The following CDYL2 variants were observed in gnomAD, a reference collection of about 807,000 sequenced individuals.
The protein encoded by CDYL2 is chromodomain Y like 2.
Under a neutral mutation model 49.4 loss-of-function variants are expected in CDYL2, and 23 were observed. The observed-to-expected ratio is 0.47, with a 90% CI of 0.34 to 0.66. The LOEUF (loss-of-function observed/expected upper bound fraction) is 0.66, where lower values mean the gene tolerates loss of function less well. Ranked by LOEUF, CDYL2 falls within the 30% of genes least tolerant of loss-of-function variation. The pLI is 0.01. For synonymous variants in CDYL2, 360 were observed against 268.8 expected (o/e 1.34, Z -3.32); for missense variants, 678 against 656.4 (o/e 1.03, Z -0.36).
intron 1 of CDYL2, among the ~76,000 whole-genome samples, chr16:80,713,353 A>C (rs1026909903): frequency 6.6e-6 from 1 of 152,236 alleles, no homozygotes; most frequent in African/African-American, 2.4e-5. Context: ...TCAGATTGTC[A>C]CATGCCATTT....
chr16:80,611,885 T>G (rs1420820593), intron 5 of CDYL2, among the ~76,000 whole-genome samples: 1 of 152,216 alleles, frequency 6.6e-6, no homozygotes, highest in Non-Finnish European at 1.5e-5. Context: ...CAGCTTACAG[T>G]GGACTCCGCC....
At chr16:80,739,799 GA>G (rs1257220027) in intron 1 of CDYL2, among the ~76,000 whole-genome samples, 3 of 152,152 alleles carry the variant, frequency 2.0e-5, no homozygotes, top group Non-Finnish European at 4.4e-5. Context: ...GCCAATCAGG[GA>G]AACTCCCCAA....
rs113263375 is a variant in CDYL2 at position 80,690,922 on chromosome 16, T to C, written c.25-5793A>G. 7.2e-5 allele frequency among the ~76,000 whole-genome samples: 11 copies of C among 152,302 alleles called. 1 individual carries two copies. The highest frequency in any genetic ancestry group is 2.6e-4 in the African/African-American group (11 of 41,566). On this transcript the variant is annotated intron_variant, in intron 1 of 6. Transcript: ENST00000570137. ...ACCAGCACAATGTATAAAATTACAA[T>C]TGCTCTGGAACCCAGGATTACAATC... is the stretch of plus-strand genomic sequence containing the variant.
chr16:80,644,222 T>A (rs929558152), intron 2 of CDYL2, among the ~76,000 whole-genome samples: 1 of 152,196 alleles, frequency 6.6e-6, no homozygotes, highest in African/African-American at 2.4e-5. Flanking sequence ...AGTGCCACCT[T>A]TGCTCCAGTT....
chr16:80,736,854 C>T (rs773138213), intron 1 of CDYL2, among the ~76,000 whole-genome samples: 2 of 152,180 alleles, frequency 1.3e-5, no homozygotes, highest in Non-Finnish European at 2.9e-5. Context: ...GACTTGTTAC[C>T]CAGTCATTTG....
intron 1 of CDYL2, among the ~76,000 whole-genome samples, chr16:80,761,398 G>T (rs529976633): frequency 2.0e-5 from 3 of 152,322 alleles, no homozygotes; most frequent in Non-Finnish European, 4.4e-5. Context: ...AACGGTTGTT[G>T]TAAGATTATA....
chr16:80,761,543 C>T (rs1346338870), intron 1 of CDYL2, among the ~76,000 whole-genome samples: 2 of 152,104 alleles, frequency 1.3e-5, no homozygotes, highest in Admixed American at 6.5e-5. Flanking sequence ...TGTTCCCTGG[C>T]TCCCACCTCC....
intron 2 of CDYL2, among the ~76,000 whole-genome samples, chr16:80,648,136 G>C (rs148094108): frequency 7.5e-4 from 114 of 151,690 alleles, no homozygotes; most frequent in African/African-American, 2.4e-3. Flanking sequence ...CCCAAAATTA[G>C]TAGATGAAAA....
intron 1 of CDYL2, among the ~76,000 whole-genome samples, chr16:80,770,006 C>T (rs1359013600): frequency 6.6e-6 from 1 of 151,840 alleles, no homozygotes; most frequent in Non-Finnish European, 1.5e-5. Flanking sequence ...TTTACAAAAA[C>T]AACAAAACTA....
At chr16:80,699,184 A>T (rs968646369) in intron 1 of CDYL2, among the ~76,000 whole-genome samples, 1 of 152,222 alleles carries the variant, frequency 6.6e-6, no homozygotes, top group African/African-American at 2.4e-5. Flanking sequence ...GAAAATCAGT[A>T]TGTCTAAGAT....
At chr16:80,623,387 G>C (rs1261262964) in intron 3 of CDYL2, among the ~76,000 whole-genome samples, 1 of 152,074 alleles carries the variant, frequency 6.6e-6, no homozygotes, top group African/African-American at 2.4e-5. Flanking sequence ...AGACTGCTTA[G>C]TGCAGTGCAT....
At chr16:80,770,864 A>G (rs558982341) in intron 1 of CDYL2, among the ~76,000 whole-genome samples, 1 of 152,338 alleles carries the variant, frequency 6.6e-6, no homozygotes, top group South Asian at 2.1e-4. Flanking sequence ...GAAGAAATTA[A>G]ACGATTAGAC....
At chr16:80,786,343 G>C (rs1907435209) in intron 1 of CDYL2, among the ~76,000 whole-genome samples, 1 of 152,188 alleles carries the variant, frequency 6.6e-6, no homozygotes, top group South Asian at 2.1e-4. Flanking sequence ...CATTTATGCA[G>C]CCAACAGACA....
chr16:80,760,540 G>A (rs913052986), intron 1 of CDYL2, among the ~76,000 whole-genome samples: 2 of 152,050 alleles, frequency 1.3e-5, no homozygotes, highest in Non-Finnish European at 2.9e-5. Context: ...ATTCCCCATT[G>A]TCCATGATGT....
rs148794384 is a variant in CDYL2, at chr16:80,623,587, T to C, written c.835-2652A>G. ...CAGACCGACAGGATGAGTTTCTTCA[T>C]GTTCATGGGACCTGCAGGAAATTCA... On this transcript the variant is annotated intron_variant, in intron 3 of 6. Transcript: ENST00000570137. 1.1e-4 allele frequency among the ~76,000 whole-genome samples: 16 copies of C among 152,346 alleles called. No individual in the cohort carries two copies. In the East Asian group the frequency reaches 2.7e-3, roughly 26 times the overall value.
chr16:80,714,780 T>A (rs1597094415), intron 1 of CDYL2, among the ~76,000 whole-genome samples: 1 of 152,272 alleles, frequency 6.6e-6, no homozygotes, highest in East Asian at 1.9e-4. Context: ...GGTTGCTCAG[T>A]GACAGGATAA....
chr16:80,799,989 G>T (rs937212715), intron 1 of CDYL2, among the ~76,000 whole-genome samples: 2 of 152,190 alleles, frequency 1.3e-5, no homozygotes, highest in African/African-American at 4.8e-5. Context: ...GGTGTGATTC[G>T]TAAATAGAGG....
At chr16:80,760,147 G>A (rs1447414329) in intron 1 of CDYL2, among the ~76,000 whole-genome samples, 5 of 152,162 alleles carry the variant, frequency 3.3e-5, no homozygotes, top group Non-Finnish European at 5.9e-5. Flanking sequence ...CATGCATGAC[G>A]ATATTATCCA....
intron 1 of CDYL2, among the ~76,000 whole-genome samples, chr16:80,700,142 A>C (rs1412613724): frequency 6.6e-6 from 1 of 152,254 alleles, no homozygotes; most frequent in Non-Finnish European, 1.5e-5. Context: ...TACAGGCGTG[A>C]GCCACTGCGG....
Sources: allele counts gnomAD v4.1 joint callset (sites outside exome capture counted in the v4.1 genomes callset), GRCh38; gene constraint gnomAD v4.1.1; transcripts MANE v1.5; gene names NCBI Gene and HGNC (gene_info 2026-07-23, HGNC 2026-07-21).